The following PLCL1 variants were observed in gnomAD, a reference collection of about 807,000 sequenced individuals.
PLCL1 encodes inactive phospholipase C-like protein 1.
Under a neutral mutation model 84.4 loss-of-function variants are expected in PLCL1, and 41 were observed. The ratio of observed to expected loss-of-function variants is 0.49; its 90% CI spans 0.38 to 0.63. PLCL1 has a LOEUF of 0.63. Ranked by LOEUF, PLCL1 falls within the 30% of genes least tolerant of loss-of-function variation. PLCL1 has a pLI of 0.00. For missense variants in PLCL1, 1,206 were observed against 1,367.8 expected, an observed-to-expected ratio of 0.88 and a Z score of 1.87; for synonymous variants, 490 against 488.3, an observed-to-expected ratio of 1.00 and a Z score of -0.05.
In PLCL1 at chr2:197,939,883, C is replaced by T. The variant is rs148462067; in HGVS notation, c.240+134544C>T. On this transcript the variant is annotated intron_variant, in intron 1 of 5. Transcript: ENST00000428675. Reference sequence around the variant, plus strand: ...TAGGTGGGATTCTCAAACCTGGCTGCGTTAGAATCACCTGGGTAACTTAAA... The same window carrying T: ...TAGGTGGGATTCTCAAACCTGGCTGTGTTAGAATCACCTGGGTAACTTAAA... Among the ~76,000 whole-genome samples the T allele has an allele frequency of 6.5e-4, 99 of 152,078 alleles. 4 individuals carry two copies. In the South Asian group the frequency reaches 0.014, roughly 22 times the overall value.
intron 1 of PLCL1, among the ~76,000 whole-genome samples, chr2:197,927,080 G>A (rs1222030972): frequency 2.6e-5 from 4 of 152,296 alleles, no homozygotes; most frequent in East Asian, 1.9e-4. Flanking sequence ...TGGACACTGA[G>A]GTTTCTTAGG....
At chr2:197,976,637 T>TG (rs1453640649) in intron 1 of PLCL1, among the ~76,000 whole-genome samples, 7 of 152,158 alleles carry the variant, frequency 4.6e-5, no homozygotes, top group Non-Finnish European at 8.8e-5. Context: ...TTAGTGGAGA[T>TG]GGGGTTCCAC....
chr2:197,822,561 G>A (rs561476734), intron 1 of PLCL1, among the ~76,000 whole-genome samples: 1 of 152,228 alleles, frequency 6.6e-6, no homozygotes, highest in Non-Finnish European at 1.5e-5. Context: ...AGCACTTTAT[G>A]TGTATTAACT....
At chr2:198,100,164 G>A (rs935653201) in intron 3 of PLCL1, among the ~76,000 whole-genome samples, 5 of 151,986 alleles carry the variant, frequency 3.3e-5, no homozygotes, top group Admixed American at 6.6e-5. Flanking sequence ...GCAAAACGGG[G>A]AAAAAAGTGA....
At chr2:197,895,383 C>T (rs539837096) in intron 1 of PLCL1, among the ~76,000 whole-genome samples, 2 of 151,884 alleles carry the variant, frequency 1.3e-5, no homozygotes, top group Admixed American at 6.6e-5. Flanking sequence ...AAAGATCAAT[C>T]ATTTTTATTT....
chr2:197,911,481 T>A (rs1182227323), intron 1 of PLCL1, among the ~76,000 whole-genome samples: 1 of 152,108 alleles, frequency 6.6e-6, no homozygotes, highest in Non-Finnish European at 1.5e-5. Flanking sequence ...ATAGAAAAAA[T>A]AATCAGGTTT....
rs1164743447 is a variant in PLCL1, at chr2:198,084,069, C to A, written c.552C>A (p.Ile184=). Residue 184 remains isoleucine, a synonymous_variant, in exon 2 of 6, where the codon ATC becomes ATA. Coordinates refer to ENST00000428675, the MANE Select transcript of PLCL1 (RefSeq NM_006226.4). ...TFRNNGLADQ[I]CEDCAFSILH... is the part of the protein sequence containing the mutation. ...GAAACAATGGCCTTGCTGACCAGAT[C>A]TGTGAGGACTGTGCCTTTTCCATAC... is the stretch of plus-strand genomic sequence containing the variant. The A allele has an allele frequency of 6.2e-7, 1 of 1,614,190 alleles. No homozygotes were observed. Among genetic ancestry groups the A allele is most frequent in the Non-Finnish European group, 8.5e-7 (1 of 1,180,000 alleles).
intron 1 of PLCL1, among the ~76,000 whole-genome samples, chr2:197,990,942 A>G (rs1434790260): frequency 2.0e-5 from 3 of 152,228 alleles, no homozygotes; most frequent in Non-Finnish European, 2.9e-5. Flanking sequence ...AATTAATTAT[A>G]TAACCATTAG....
In PLCL1 at chr2:198,085,678, C is replaced by T. The variant is rs137857586; in HGVS notation, c.2161C>T (p.Leu721=). Residue 721 remains leucine, a synonymous_variant, in exon 2 of 6, where the codon CTA becomes TTA. Transcript: ENST00000428675. This position sits in a 1 kb window ranked among gnomAD's most constrained non-coding sequence, Gnocchi z 5.3. ...TKGILPGVSP[L]ALHIKIISGQ... ...GGGCATTCTACCTGGGGTGTCTCCT[C>T]TAGCTCTTCATATCAAGATCATCAG... 4 of 1,614,156 alleles carry T rather than the reference C, an allele frequency of 2.5e-6. No homozygotes were observed. In the South Asian group the frequency reaches 3.3e-5, roughly 13 times the overall value.
At chr2:198,089,163 T>C (rs1160631690) in intron 3 of PLCL1, 102 bp downstream of exon 3, 1 of 823,384 alleles carries the variant, frequency 1.2e-6, no homozygotes, top group Non-Finnish European at 2.0e-6. Context: ...ACAGGGTGAC[T>C]ACCTTTGAAA....
intron 1 of PLCL1, among the ~76,000 whole-genome samples, chr2:197,983,206 T>TTC (rs1690153275): frequency 1.7e-4 from 2 of 12,024 alleles, no homozygotes; most frequent in African/African-American, 9.9e-4. Flanking sequence ...TTTTCTTTTT[T>TTC]TTTTTTTTTT....
Position 198,101,865 on chromosome 2 carries a change from A to T in PLCL1, c.2995+505A>T, listed in dbSNP as rs1263795884. On this transcript the variant is annotated intron_variant, in intron 4 of 5. Coordinates refer to ENST00000428675, the MANE Select transcript of PLCL1 (RefSeq NM_006226.4). The stretch of plus-strand genomic sequence containing the variant: ...TGTTTATTTCTGTTCACCTTCATCC[A>T]CACCCTTGTGCTTTCATCTCCTGGA... Among the ~76,000 whole-genome samples the T allele has an allele frequency of 4.6e-5, 7 of 152,056 alleles. No individual in the cohort carries two copies. The East Asian group carries it at 1.4e-3, about 29-fold the overall frequency.
intron 1 of PLCL1, among the ~76,000 whole-genome samples, chr2:197,915,195 GC>G: frequency 6.6e-6 from 1 of 152,228 alleles, no homozygotes; most frequent in South Asian, 2.1e-4. Flanking sequence ...CAAATCATCT[GC>G]TAACTTAAAA....
intron 1 of PLCL1, among the ~76,000 whole-genome samples, chr2:197,945,881 C>G (rs543142696): frequency 2.6e-5 from 4 of 152,190 alleles, no homozygotes; most frequent in Admixed American, 2.6e-4. Context: ...TATTAATACA[C>G]TTTAATATTA....
At chr2:198,112,306 A>G (rs937519597) in intron 5 of PLCL1, among the ~76,000 whole-genome samples, 1 of 151,866 alleles carries the variant, frequency 6.6e-6, no homozygotes, top group African/African-American at 2.4e-5. Context: ...ACGGAAGCAA[A>G]GCAAAACAAC....
At chr2:197,824,130 T>C (rs1690877876) in intron 1 of PLCL1, among the ~76,000 whole-genome samples, 1 of 152,180 alleles carries the variant, frequency 6.6e-6, no homozygotes, top group Non-Finnish European at 1.5e-5. Flanking sequence ...ATGAACAATA[T>C]ATAATGGTTT....
intron 1 of PLCL1, among the ~76,000 whole-genome samples, chr2:197,950,971 G>T (rs904457654): frequency 1.2e-4 from 18 of 152,086 alleles, no homozygotes; most frequent in African/African-American, 4.3e-4. Context: ...GGAGAAGCAT[G>T]GTTGTGAAAT....
Position 198,149,225 on chromosome 2 carries a change from T to G in PLCL1, c.*2263T>G, listed in dbSNP as rs1694590456. 1 of 152,376 alleles carries G rather than the reference T, an allele frequency of 6.6e-6. No individual in the cohort carries two copies. The highest frequency in any genetic ancestry group is 2.4e-5 in the African/African-American group (1 of 41,466). 9.4% of individuals were successfully genotyped at this position (152,376 alleles called of 1,614,324 possible). ...ATGCCTCCATGACATTGTTACATTC[T>G]ATGAGGAGCATCTGTCTCCTTTCTA... On this transcript the variant is annotated 3_prime_UTR_variant, in exon 6 of 6. Coordinates refer to ENST00000428675, the MANE Select transcript of PLCL1 (RefSeq NM_006226.4).
Position 197,890,701 on chromosome 2 carries a change from T to TATATATATATATATATATACAC in PLCL1, c.240+85363_240+85364insTATATATATATATATATACACA, listed in dbSNP as rs11270566. Among the ~76,000 whole-genome samples the TATATATATATATATATATACAC allele has an allele frequency of 1.3e-3, 149 of 118,534 alleles. 2 individuals carry two copies. The highest frequency in any genetic ancestry group is 2.2e-3 in the African/African-American group (58 of 26,206). The allele number at this position is 118,534 out of a possible 152,430, so 77.8% of individuals were successfully genotyped here. A position where few individuals can be genotyped will look rare whatever the true frequency, so the allele number is the denominator to read the frequency against. On this transcript the variant is annotated intron_variant, in intron 1 of 5. Transcript: ENST00000428675. ...TTTTTGCTATATATATATATATATA[T>TATATATATATATATATATACAC]ACACACACACATATACGTATATATG...
Sources: gnomAD v4.1 joint callset for allele counts (sites outside exome capture counted in the v4.1 genomes callset) on GRCh38, gnomAD v4.1.1 for gene constraint, Gnocchi (gnomAD v3.1) non-coding constraint, MANE v1.5 for transcripts, NCBI Gene and HGNC (gene_info 2026-07-23, HGNC 2026-07-21) for gene names.